The following UACA variants were observed in gnomAD, a reference collection of about 807,000 sequenced individuals.
UACA encodes nuclear membrane binding protein.
UACA carries 112 observed loss-of-function variants against 160.5 expected under a neutral mutation model. The ratio of observed to expected loss-of-function variants is 0.70; its 90% confidence interval spans 0.60 to 0.82. The LOEUF (loss-of-function observed/expected upper bound fraction) is 0.82. Ranked by LOEUF, UACA falls within the 40% of genes least tolerant of loss-of-function variation. UACA has a pLI of 0.00. For missense variants in UACA, 1,574 were observed against 1,614.6 expected, an observed-to-expected ratio of 0.97 and a Z score of 0.43; for synonymous variants, 557 against 568.4, an observed-to-expected ratio of 0.98 and a Z score of 0.29.
Position 70,690,504 on chromosome 15 carries a change from C to T in UACA, c.374G>A (p.Cys125Tyr). The T allele has an allele frequency of 6.2e-7, 1 of 1,612,276 alleles. No homozygotes were observed. The change falls in exon 5 of 19, where the codon TGT (cysteine) becomes TAT (tyrosine). Residue 125 changes from cysteine (C) to tyrosine (Y), a missense_variant. Transcript: ENST00000322954. ...LCLQKLLQYN[C>Y]PTEHADLQGR... ...CTGCAGGTCTGCATGCTCAGTGGGA[C>T]AATTGTACTGTTAAAGTAAAGAAAA...
At chr15:70,768,266 C>G (rs2031063788), upstream of UACA, 1 of 152,202 alleles carries the variant, frequency 6.6e-6, no homozygotes, top group Non-Finnish European at 1.5e-5. Context: ...TACCACTTAT[C>G]TTCCAAAGAA....
chr15:70,671,619 T>G (rs143546736), intron 14 of UACA: 90 of 173,642 alleles, frequency 5.2e-4, no homozygotes, highest in African/African-American at 2.0e-3. Context: ...GACCGATTTC[T>G]CCAAATTAGA....
At chr15:70,751,438 T>C (rs1474848961) in intron 1 of UACA, among the ~76,000 whole-genome samples, 1 of 152,252 alleles carries the variant, frequency 6.6e-6, no homozygotes, top group Non-Finnish European at 1.5e-5. Context: ...GCATGACCTC[T>C]GGTAAGACTT....
chr15:70,687,714 A>G (rs1260862338), intron 6 of UACA, 36 bp downstream of exon 6: 2 of 1,613,002 alleles, frequency 1.2e-6, no homozygotes, highest in South Asian at 2.2e-5. Context: ...GTTAGAATGC[A>G]TGAGTTGAAA....
At chr15:70,741,902 C>T (rs763894247) in intron 1 of UACA, among the ~76,000 whole-genome samples, 17 of 152,294 alleles carry the variant, frequency 1.1e-4, no homozygotes, top group Non-Finnish European at 1.8e-4. Context: ...TACCTGATAG[C>T]CTCCATGCAT....
rs1157493948 is a variant in UACA, at chr15:70,683,506, A to G, written c.785-711T>C. ...CGACCCTAAAGGGTAATAAAAATAT[A>G]CTAAAATATTTATGCATAAGGACAG... On this transcript the variant is annotated intron_variant, in intron 8 of 18. Transcript: ENST00000322954. Among the ~76,000 whole-genome samples the G allele has an allele frequency of 2.6e-5, 4 of 152,320 alleles. No homozygotes were observed. In the East Asian group the frequency reaches 7.7e-4, roughly 29 times the overall value.
intron 10 of UACA, among the ~76,000 whole-genome samples, chr15:70,679,274 A>T (rs1278283281): frequency 6.6e-6 from 1 of 151,954 alleles, no homozygotes; most frequent in Admixed American, 6.6e-5. Context: ...ATGGTGGCAC[A>T]TGCCTGTAAT....
At chr15:70,725,092 A>G (rs1324468834) in intron 1 of UACA, among the ~76,000 whole-genome samples, 1 of 152,124 alleles carries the variant, frequency 6.6e-6, no homozygotes, top group Non-Finnish European at 1.5e-5. Context: ...ATCTCAAAAA[A>G]AAAAAAATCT....
chr15:70,723,581 C>G (rs1899055494), intron 1 of UACA, among the ~76,000 whole-genome samples: 1 of 152,096 alleles, frequency 6.6e-6, no homozygotes, highest in Admixed American at 6.6e-5. Context: ...AGTGCTACTC[C>G]CTTTGTGCTT....
chr15:70,752,968 A>G (rs543020592), intron 1 of UACA, among the ~76,000 whole-genome samples: 2 of 152,384 alleles, frequency 1.3e-5, no homozygotes, highest in South Asian at 4.1e-4. Flanking sequence ...ACACTCTACA[A>G]TGAATATAAA....
the UACA span, among the ~76,000 whole-genome samples, chr15:70,775,635 T>C: frequency 3.2e-4 from 48 of 152,320 alleles, no homozygotes; most frequent in Admixed American, 2.6e-3. Flanking sequence ...TCTCTTTTTT[T>C]CCAAAGTATT....
intron 13 of UACA, among the ~76,000 whole-genome samples, chr15:70,674,704 T>C (rs1370049369): frequency 6.6e-6 from 1 of 152,066 alleles, no homozygotes; most frequent in African/African-American, 2.4e-5. Context: ...TTCAAGCAAT[T>C]CTCCTGCTTC....
chr15:70,684,407 A>G lies in UACA; in HGVS notation c.642T>C (p.Asp214=). The G allele has an allele frequency of 6.2e-7, 1 of 1,613,638 alleles. No homozygotes were observed. The highest frequency in any genetic ancestry group is 1.1e-5 in the South Asian group (1 of 90,974). ...CATTTTTAATTAAGACTTCTACTGC[A>G]TCTCTGCAACCATATTCGCAACCTA... ...LMLGCEYGCR[D]AVEVLIKNGA... Residue 214 remains aspartate (D), a synonymous_variant, in exon 8 of 19, where the codon GAT becomes GAC. Transcript: ENST00000322954.
In UACA at chr15:70,674,035, T is replaced by C. The variant is rs116496318; in HGVS notation, c.1132-2034A>G. Among the ~76,000 whole-genome samples, 1,420 of 152,258 alleles carry C rather than the reference T, an allele frequency of 9.3e-3. 29 individuals are homozygous for C. Among genetic ancestry groups the C allele is most frequent in the African/African-American group, 0.032 (1,323 of 41,514 alleles). On this transcript the variant is annotated intron_variant, in intron 13 of 18. Transcript: ENST00000322954. The stretch of plus-strand genomic sequence containing the variant: ...CACCACCTCGCCCAGCTAATTTTTA[T>C]GTTTTTGGTAGAGACGGGATTTCAC...
In UACA at chr15:70,659,402, T is replaced by G. The variant is rs1419433571; in HGVS notation, c.4179+749A>C. Among the ~76,000 whole-genome samples, 89 of 120,240 alleles carry G rather than the reference T, an allele frequency of 7.4e-4. 1 individual carries two copies. The highest frequency in any genetic ancestry group is 2.8e-3 in the African/African-American group (84 of 30,428). The allele number at this position is 120,240 out of a possible 152,430, so 78.9% of individuals were successfully genotyped here. On this transcript the variant is annotated intron_variant, in intron 18 of 18. Coordinates refer to ENST00000322954, the MANE Select transcript of UACA (RefSeq NM_018003.4). ...CTTCTTCATTTTTTGTTTGTTTTTT[T>G]TTTTTTTTTTTTTTTTTTTTGCTTG...
chr15:70,672,527 T>A (rs980097307), intron 13 of UACA, among the ~76,000 whole-genome samples: 2 of 152,216 alleles, frequency 1.3e-5, no homozygotes, highest in Non-Finnish European at 2.9e-5. Flanking sequence ...CTACACATAG[T>A]AATAAATCCA....
chr15:70,686,190 T>C (rs1469741612), intron 7 of UACA, among the ~76,000 whole-genome samples: 3 of 151,708 alleles, frequency 2.0e-5, no homozygotes, highest in East Asian at 1.9e-4. Context: ...TTAGCAACCA[T>C]GGCCCATGAC....
chr15:70,659,896 T>C (rs549639419), intron 18 of UACA, among the ~76,000 whole-genome samples: 2 of 152,204 alleles, frequency 1.3e-5, no homozygotes, highest in East Asian at 1.9e-4. Flanking sequence ...CCATCACATG[T>C]TACCAAACTG....
chr15:70,672,983 C>G (rs967511666), intron 13 of UACA, among the ~76,000 whole-genome samples: 1 of 152,132 alleles, frequency 6.6e-6, no homozygotes, highest in Non-Finnish European at 1.5e-5. Flanking sequence ...GTAATCCCAG[C>G]TAGTAGGGAG....
Sources: allele counts gnomAD v4.1 joint callset (sites outside exome capture counted in the v4.1 genomes callset), GRCh38; gene constraint gnomAD v4.1.1; transcripts MANE v1.5; gene names NCBI Gene and HGNC (gene_info 2026-07-23, HGNC 2026-07-21).